Variants in KCNH7 observed in about 807,000 individuals in gnomAD.
KCNH7 encodes voltage-gated inwardly rectifying potassium channel KCNH7.
Under a neutral mutation model 120.8 loss-of-function variants are expected in KCNH7, and 49 were observed. That is an observed-to-expected ratio of 0.41 (90% CI 0.32 to 0.51). The LOEUF (loss-of-function observed/expected upper bound fraction) is 0.51. KCNH7 is among the 20% of genes least tolerant of loss of function. The pLI is 0.38. For synonymous variants in KCNH7, 547 were observed against 516.1 expected (o/e 1.06, Z -0.81); for missense variants, 1,097 against 1,446.6 (o/e 0.76, Z 3.92).
chr2:162,543,893 A>G (rs371560085), intron 2 of KCNH7, among the ~76,000 whole-genome samples: 1 of 152,186 alleles, frequency 6.6e-6, no homozygotes, highest in Admixed American at 6.5e-5. Flanking sequence ...ATCAACTTGA[A>G]TGATAAAAAT....
chr2:162,621,470 A>G (rs887532151), intron 2 of KCNH7, among the ~76,000 whole-genome samples: 35 of 151,940 alleles, frequency 2.3e-4, no homozygotes, highest in Middle Eastern at 3.4e-3. Context: ...CTTTTAACAG[A>G]TATTGTAATC....
At chr2:162,503,649 G>A (rs1211639365) in intron 6 of KCNH7, among the ~76,000 whole-genome samples, 1 of 151,884 alleles carries the variant, frequency 6.6e-6, no homozygotes, top group African/African-American at 2.4e-5. Context: ...TCAATGCTTG[G>A]GATAAAGAAT....
At chr2:162,796,676 G>T (rs1334998792) in intron 2 of KCNH7, 1 of 152,002 alleles carries the variant, frequency 6.6e-6, no homozygotes. Flanking sequence ...GCAGCTATGT[G>T]GAGCATCTTC....
intron 12 of KCNH7, among the ~76,000 whole-genome samples, chr2:162,394,181 T>C (rs1266107417): frequency 6.6e-6 from 1 of 151,946 alleles, no homozygotes; most frequent in Non-Finnish European, 1.5e-5. Context: ...TCCTTGTGAA[T>C]ATTAGATGGG....
intron 6 of KCNH7, among the ~76,000 whole-genome samples, chr2:162,464,879 T>A (rs1689259264): frequency 6.6e-6 from 1 of 152,030 alleles, no homozygotes; most frequent in South Asian, 2.1e-4. Context: ...AAGTGGTGGT[T>A]CCCCAACCCT....
Position 162,382,838 on chromosome 2 carries a change from TATTA to T in KCNH7, c.2962+1846_2962+1849del, listed in dbSNP as rs1486701886. Among the ~76,000 whole-genome samples the T allele has an allele frequency of 2.9e-4, 44 of 152,018 alleles. 1 individual carries two copies. Among genetic ancestry groups the T allele is most frequent in the Admixed American group, 2.8e-3 (43 of 15,232 alleles). On this transcript the variant is annotated intron_variant, in intron 13 of 15. Coordinates refer to ENST00000332142, the MANE Select transcript of KCNH7 (RefSeq NM_033272.4). Reference sequence around the variant, plus strand: ...TTTAGAATTCCCCATTGGTTAAAGATATTAATTAGCCAGGCTAACCATGTGTTAC... The same window carrying T: ...TTTAGAATTCCCCATTGGTTAAAGATATTAGCCAGGCTAACCATGTGTTAC...
At chr2:162,493,715 C>G (rs1690403286) in intron 6 of KCNH7, among the ~76,000 whole-genome samples, 1 of 152,100 alleles carries the variant, frequency 6.6e-6, no homozygotes, top group Admixed American at 6.5e-5. Context: ...GCCATCATAA[C>G]ATGTAATTGA....
intron 2 of KCNH7, among the ~76,000 whole-genome samples, chr2:162,821,342 G>C (rs1013139730): frequency 2.0e-5 from 3 of 152,118 alleles, no homozygotes; most frequent in Non-Finnish European, 4.4e-5. Context: ...ATTTACAGAG[G>C]GATTGGTTGG....
intron 2 of KCNH7, among the ~76,000 whole-genome samples, chr2:162,621,250 A>ATTTTTTTTT (rs1559048811): frequency 2.9e-5 from 1 of 34,310 alleles, no homozygotes; most frequent in African/African-American, 1.6e-4. Flanking sequence ...GGGTATCATC[A>ATTTTTTTTT]TCTTTTTTTT....
At chr2:162,595,464 A>G (rs1202052942) in intron 2 of KCNH7, among the ~76,000 whole-genome samples, 3 of 152,028 alleles carry the variant, frequency 2.0e-5, no homozygotes. Context: ...ATGAAGGACA[A>G]AAACAATATG....
intron 2 of KCNH7, among the ~76,000 whole-genome samples, chr2:162,550,724 T>C (rs916868225): frequency 2.0e-5 from 3 of 152,064 alleles, no homozygotes; most frequent in African/African-American, 7.2e-5. Context: ...AATGTTTGAA[T>C]CCTGAGTGAT....
At chr2:162,662,249 C>A (rs189915879) in intron 2 of KCNH7, among the ~76,000 whole-genome samples, 1 of 151,576 alleles carries the variant, frequency 6.6e-6, no homozygotes, top group Admixed American at 6.6e-5. Context: ...GGTGACAGGG[C>A]GAGACTCTGT....
intron 2 of KCNH7, among the ~76,000 whole-genome samples, chr2:162,787,045 C>T (rs114232665): frequency 0.012 from 1,785 of 152,304 alleles, 38 homozygotes; most frequent in African/African-American, 0.04. Context: ...AAGAATGGAT[C>T]GAGCAATGAG....
intron 2 of KCNH7, among the ~76,000 whole-genome samples, chr2:162,763,277 T>A (rs1425511297): frequency 6.6e-6 from 1 of 152,176 alleles, no homozygotes; most frequent in Non-Finnish European, 1.5e-5. Flanking sequence ...GAAACATTTT[T>A]AAAATCATTC....
chr2:162,607,018 A>C (rs1682796033), intron 2 of KCNH7, among the ~76,000 whole-genome samples: 1 of 152,098 alleles, frequency 6.6e-6, no homozygotes, highest in Admixed American at 6.6e-5. Context: ...TAATGTTCAA[A>C]ATAATGTCCA....
intron 9 of KCNH7, among the ~76,000 whole-genome samples, chr2:162,400,972 A>G (rs1328315294): frequency 6.6e-6 from 1 of 151,910 alleles, no homozygotes; most frequent in African/African-American, 2.4e-5. Context: ...AGTATTTGGA[A>G]TATTTATGTT....
intron 2 of KCNH7, among the ~76,000 whole-genome samples, chr2:162,790,762 G>T (rs999922279): frequency 1.3e-5 from 2 of 151,766 alleles, no homozygotes; most frequent in East Asian, 3.9e-4. Flanking sequence ...TGCATAAAAG[G>T]CATTTGACAC....
intron 9 of KCNH7, among the ~76,000 whole-genome samples, chr2:162,402,459 T>C (rs1003228387): frequency 6.7e-6 from 1 of 149,702 alleles, no homozygotes; most frequent in Non-Finnish European, 1.5e-5. Flanking sequence ...TTGTATAGAA[T>C]AAAAATACCC....
chr2:162,451,448 C>T (rs960308626), intron 6 of KCNH7, among the ~76,000 whole-genome samples: 1 of 151,998 alleles, frequency 6.6e-6, no homozygotes, highest in Non-Finnish European at 1.5e-5. Context: ...CAAACCAAAA[C>T]ATAGTGACCT....
Sources: gnomAD v4.1 joint callset for allele counts (sites outside exome capture counted in the v4.1 genomes callset) on GRCh38, gnomAD v4.1.1 for gene constraint, MANE v1.5 for transcripts, NCBI Gene and HGNC (gene_info 2026-07-23, HGNC 2026-07-21) for gene names.